Variants in ANKRD55 observed in about 807,000 individuals in gnomAD.
The protein encoded by ANKRD55 is ankyrin repeat domain 55.
ANKRD55 carries 41 observed loss-of-function variants against 60.6 expected under a neutral mutation model. The observed-to-expected ratio is 0.68, with a 90% CI of 0.53 to 0.88. The LOEUF is 0.88. Ranked by LOEUF, ANKRD55 falls within the 40% of genes least tolerant of loss-of-function variation. The probability of loss-of-function intolerance (pLI) is 0.00; values close to 1 mark genes in which losing one functional copy is unlikely to be tolerated. For synonymous variants in ANKRD55, 264 were observed against 290.3 expected (o/e 0.91, Z 0.92); for missense variants, 732 against 767.6 (o/e 0.95, Z 0.55).
chr5:56,176,018 G>A, intron 4 of ANKRD55, 134 bp downstream of exon 4: 1 of 1,139,140 alleles, frequency 8.8e-7, no homozygotes. Flanking sequence ...GAAGATGATT[G>A]GAGTAAAGCT....
intron 7 of ANKRD55, among the ~76,000 whole-genome samples, chr5:56,132,337 A>T (rs1326369593): frequency 1.3e-5 from 2 of 151,860 alleles, no homozygotes; most frequent in African/African-American, 4.8e-5. Context: ...AAATAGGAAC[A>T]AAGAATAAGG....
At chr5:56,174,222 C>T (rs1758686248) in intron 4 of ANKRD55, among the ~76,000 whole-genome samples, 1 of 152,174 alleles carries the variant, frequency 6.6e-6, no homozygotes, top group African/African-American at 2.4e-5. Context: ...GGGTGTCCAT[C>T]ATTATTCACC....
intron 2 of ANKRD55, among the ~76,000 whole-genome samples, chr5:56,227,020 T>C (rs575754567): frequency 1.4e-5 from 2 of 142,478 alleles, no homozygotes; most frequent in African/African-American, 5.2e-5. Flanking sequence ...ATCATGCTGA[T>C]ATAAAGACAC....
chr5:56,143,820 G>T lies in ANKRD55; in HGVS notation c.593C>A (p.Ala198Asp), dbSNP rs777836712. ...TCTCACCTGGACTGCCCAGTGGAGA[G>T]CGGTTTTAAAGTCTTTATCCACAAG... ...PTLVDKDFKTALHWAVQSGNR... is the reference protein window; with the variant it reads ...PTLVDKDFKTDLHWAVQSGNR... The change falls in exon 7 of 12, where the codon GCT becomes GAT. Residue 198 changes from alanine to aspartate, a missense_variant. Around this residue, in one of 3 missense-constraint regions of ANKRD55, gnomAD observed 597 missense variants for 607.5 expected, o/e 0.98. Transcript: ENST00000341048. 48 of 1,614,200 alleles carry T rather than the reference G, an allele frequency of 3.0e-5. No individual in the cohort carries two copies. Among genetic ancestry groups the T allele is most frequent in the Non-Finnish European group, 4.0e-5 (47 of 1,180,026 alleles).
Position 56,197,265 on chromosome 5 carries a change from C to T in ANKRD55, c.59-13631G>A, listed in dbSNP as rs117382946. ...CCAAAGTGACTAATATCAGGGTCCA[C>T]GATAAAATCTGTAATTCTCCAAGTT... On this transcript the variant is annotated intron_variant, in intron 2 of 11. Coordinates refer to ENST00000341048, the MANE Select transcript of ANKRD55 (RefSeq NM_024669.3). 1.5e-3 allele frequency among the ~76,000 whole-genome samples: 229 copies of T among 152,162 alleles called. 4 individuals are homozygous for T. The Middle Eastern group carries it at 0.02, about 14-fold the overall frequency.
chr5:56,160,059 A>G (rs972053755), intron 5 of ANKRD55, among the ~76,000 whole-genome samples, 166 bp from the exon 6 acceptor site: 13 of 152,128 alleles, frequency 8.5e-5, no homozygotes, highest in African/African-American at 3.1e-4. Flanking sequence ...AAAAGAAGCA[A>G]GAGTGTGATA....
intron 2 of ANKRD55, among the ~76,000 whole-genome samples, chr5:56,208,810 A>T (rs965959120): frequency 6.6e-6 from 1 of 152,158 alleles, no homozygotes; most frequent in Non-Finnish European, 1.5e-5. Flanking sequence ...GTGTTGTGCC[A>T]TGACATTATG....
intron 2 of ANKRD55, among the ~76,000 whole-genome samples, chr5:56,208,070 T>C (rs1375858370): frequency 1.3e-5 from 2 of 152,226 alleles, no homozygotes; most frequent in Admixed American, 6.5e-5. Context: ...TTTCATTTTC[T>C]AAATATTTTC....
chr5:56,117,477 A>G (rs1756916189), intron 8 of ANKRD55, among the ~76,000 whole-genome samples: 1 of 152,048 alleles, frequency 6.6e-6, no homozygotes, highest in South Asian at 2.1e-4. Flanking sequence ...TTTTTGAGAC[A>G]GAGTCTCACT....
intron 6 of ANKRD55, among the ~76,000 whole-genome samples, chr5:56,144,175 A>G (rs1561268366): frequency 6.6e-6 from 1 of 152,244 alleles, no homozygotes; most frequent in Non-Finnish European, 1.5e-5. Flanking sequence ...ACCCTCATGG[A>G]AATTGCTCTG....
intron 9 of ANKRD55, among the ~76,000 whole-genome samples, chr5:56,116,001 C>A (rs971428089): frequency 1.3e-5 from 2 of 151,712 alleles, no homozygotes; most frequent in Non-Finnish European, 2.9e-5. Context: ...ATTACAGGCA[C>A]CCACCACCAT....
intron 4 of ANKRD55, among the ~76,000 whole-genome samples, chr5:56,174,525 G>T (rs1473686629): frequency 6.6e-6 from 1 of 152,086 alleles, no homozygotes; most frequent in Non-Finnish European, 1.5e-5. Flanking sequence ...CTGAGATATG[G>T]GACTTCGGCT....
chr5:56,141,746 A>G (rs140177299), intron 7 of ANKRD55, among the ~76,000 whole-genome samples: 140 of 152,336 alleles, frequency 9.2e-4, no homozygotes, highest in African/African-American at 3.2e-3. Flanking sequence ...TAAAAAAAAG[A>G]GAAAGAATAT....
At chr5:56,209,295 G>A (rs941135951) in intron 2 of ANKRD55, among the ~76,000 whole-genome samples, 1 of 152,018 alleles carries the variant, frequency 6.6e-6, no homozygotes, top group East Asian at 1.9e-4. Flanking sequence ...CATGTCATAA[G>A]ATAAAATTTG....
intron 6 of ANKRD55, among the ~76,000 whole-genome samples, chr5:56,158,033 T>C (rs1758239037): frequency 6.6e-6 from 1 of 152,050 alleles, no homozygotes. Flanking sequence ...ATACAAAAAT[T>C]AGCCGAGCAT....
In ANKRD55 at chr5:56,116,944, T is replaced by C. The variant is rs76395174; in HGVS notation, c.798-162A>G. Reference sequence around the variant, plus strand: ...AGTGTTAAATGAGCCCGAAGGATGATGGTGGACATGTGTAGGGGCCTCTCC... The same window carrying C: ...AGTGTTAAATGAGCCCGAAGGATGACGGTGGACATGTGTAGGGGCCTCTCC... On this transcript the variant is annotated intron_variant, in intron 8 of 11. Coordinates refer to ENST00000341048, the MANE Select transcript of ANKRD55 (RefSeq NM_024669.3). The C allele has an allele frequency of 3.3e-3, 2,267 of 680,322 alleles. 5 individuals carry two copies. Among genetic ancestry groups the C allele is most frequent in the Non-Finnish European group, 4.5e-3 (1,901 of 421,340 alleles). The allele number at this position is 680,322 out of a possible 1,614,324, so 42.1% of individuals were successfully genotyped here. A position where few individuals can be genotyped will look rare whatever the true frequency, so the allele number is the denominator to read the frequency against.
chr5:56,186,130 A>C (rs1280403859), intron 2 of ANKRD55, among the ~76,000 whole-genome samples: 1 of 151,950 alleles, frequency 6.6e-6, no homozygotes, highest in Non-Finnish European at 1.5e-5. Flanking sequence ...GTGGATTTGG[A>C]CCGTCCCCTC....
intron 2 of ANKRD55, among the ~76,000 whole-genome samples, chr5:56,216,710 A>G (rs74439554): frequency 0.018 from 2,716 of 152,354 alleles, 39 homozygotes; most frequent in Middle Eastern, 0.048. Context: ...CCTAATCCAG[A>G]GGAAGCCCCT....
At chr5:56,213,505 A>G (rs191574437) in intron 2 of ANKRD55, among the ~76,000 whole-genome samples, 71 of 150,576 alleles carry the variant, frequency 4.7e-4, no homozygotes, top group Admixed American at 2.0e-3. Flanking sequence ...AGGTAAGAAT[A>G]TCCAATAAAA....
Sources: allele counts gnomAD v4.1 joint callset (sites outside exome capture counted in the v4.1 genomes callset), GRCh38; gene constraint gnomAD v4.1.1; regional missense constraint gnomAD v4.1.1; transcripts MANE v1.5; gene names NCBI Gene and HGNC (gene_info 2026-07-23, HGNC 2026-07-21).